Variants in FOXP2 observed in about 807,000 individuals in gnomAD.
The protein encoded by FOXP2 is forkhead box P2.
FOXP2 carries 12 observed loss-of-function variants against 115.8 expected under a neutral mutation model. That is an observed-to-expected ratio of 0.10 (90% confidence interval 0.07 to 0.17). FOXP2 has a LOEUF of 0.17. FOXP2 is among the 10% of genes least tolerant of loss of function. The pLI is 1.00. For missense variants in FOXP2, 629 were observed against 843.5 expected, an observed-to-expected ratio of 0.75 and a Z score of 3.15; for synonymous variants, 328 against 297.7, an observed-to-expected ratio of 1.10 and a Z score of -1.05.
At chr7:114,176,821 A>T (rs1403441184) in intron 1 of FOXP2, among the ~76,000 whole-genome samples, 5 of 152,136 alleles carry the variant, frequency 3.3e-5, no homozygotes, top group Non-Finnish European at 7.4e-5. Flanking sequence ...GTACTCTAAA[A>T]GTCCCACCAT....
At chr7:114,343,648 T>C (rs1791267553) in intron 2 of FOXP2, among the ~76,000 whole-genome samples, 1 of 151,756 alleles carries the variant, frequency 6.6e-6, no homozygotes, top group Non-Finnish European at 1.5e-5. Flanking sequence ...ATATTTAATT[T>C]GCATATGCAC....
intron 2 of FOXP2, among the ~76,000 whole-genome samples, chr7:114,300,057 C>G (rs1441024232): frequency 6.6e-6 from 1 of 151,880 alleles, no homozygotes; most frequent in African/African-American, 2.4e-5. Flanking sequence ...CGTACACACA[C>G]TCACACACAC....
chr7:114,165,092 G>T (rs1792939914), intron 1 of FOXP2, among the ~76,000 whole-genome samples: 1 of 152,110 alleles, frequency 6.6e-6, no homozygotes, highest in African/African-American at 2.4e-5. Flanking sequence ...AATTGAGGTG[G>T]AGGTTCCAGA....
rs10225187 is a variant in FOXP2, at chr7:114,088,462, C to T, written c.-247+624C>T. 2.4e-3 allele frequency among the ~76,000 whole-genome samples: 367 copies of T among 152,324 alleles called. 2 individuals are homozygous for T. Among genetic ancestry groups the T allele is most frequent in the African/African-American group, 8.4e-3 (351 of 41,580 alleles). The stretch of plus-strand genomic sequence containing the variant: ...AAGGGAGAAAGTGACGCCCTGTTGT[C>T]AAGCAGCTGAAGTGGACGTTTTCCA... On this transcript the variant is annotated intron_variant, in intron 1 of 19. Coordinates refer to the FOXP2 transcript ENST00000635638.
rs1808735736 is a variant in FOXP2, at chr7:114,692,758, T to C, written c.*2832T>C. On this transcript the variant is annotated 3_prime_UTR_variant, in exon 17 of 17. Transcript: ENST00000350908. ...AGCTGATTATGGGGACTATGATCTT[T>C]TGTATACAGCAAATTTTAAACTGTA... is the stretch of plus-strand genomic sequence containing the variant. 1 of 443,622 alleles carries C rather than the reference T, an allele frequency of 2.3e-6. No homozygotes were observed. The highest frequency in any genetic ancestry group is 2.0e-5 in the African/African-American group (1 of 49,392). 27.5% of individuals were successfully genotyped at this position (443,622 alleles called of 1,614,324 possible).
At chr7:114,542,345 C>T (rs1004691849) in intron 3 of FOXP2, among the ~76,000 whole-genome samples, 1 of 152,050 alleles carries the variant, frequency 6.6e-6, no homozygotes, top group Non-Finnish European at 1.5e-5. Context: ...AAAACCGTGC[C>T]CATTCTTACA....
chr7:114,486,752 A>C (rs1796798369), intron 2 of FOXP2, among the ~76,000 whole-genome samples: 1 of 152,218 alleles, frequency 6.6e-6, no homozygotes, highest in Non-Finnish European at 1.5e-5. Flanking sequence ...TGCAAGTTTG[A>C]AATCCATTAG....
chr7:114,353,334 C>CTTTTTTTTTTTTTTTT (rs138925770), intron 2 of FOXP2, among the ~76,000 whole-genome samples: 1 of 64,114 alleles, frequency 1.6e-5, no homozygotes. Flanking sequence ...ATAGGAGCCT[C>CTTTTTTTTTTTTTTTT]TTTTTTTTTT....
chr7:114,318,718 T>A (rs1017466319), intron 2 of FOXP2, among the ~76,000 whole-genome samples: 13 of 151,196 alleles, frequency 8.6e-5, no homozygotes, highest in African/African-American at 3.2e-4. Context: ...TTCATATATA[T>A]ATATATATAC....
intron 3 of FOXP2, among the ~76,000 whole-genome samples, chr7:114,627,943 T>C (rs905105208): frequency 7.9e-5 from 12 of 151,846 alleles, no homozygotes; most frequent in African/African-American, 1.9e-4. Context: ...CACACACATA[T>C]ATATATATAT....
intron 1 of FOXP2, among the ~76,000 whole-genome samples, chr7:114,206,063 C>G (rs1161539672): frequency 6.6e-6 from 1 of 152,142 alleles, no homozygotes; most frequent in Non-Finnish European, 1.5e-5. Context: ...CATAAAAAGG[C>G]TATCCCAGTC....
chr7:114,567,425 C>T (rs1353568527), intron 3 of FOXP2, among the ~76,000 whole-genome samples: 1 of 152,116 alleles, frequency 6.6e-6, no homozygotes, highest in South Asian at 2.1e-4. Flanking sequence ...AGCATACTAT[C>T]TCCAGAGCCA....
chr7:114,135,118 T>G (rs1792004839), intron 1 of FOXP2, among the ~76,000 whole-genome samples: 1 of 152,222 alleles, frequency 6.6e-6, no homozygotes, highest in Non-Finnish European at 1.5e-5. Flanking sequence ...CCAAATTTCT[T>G]TCTGGAAAAG....
chr7:114,444,301 T>G (rs894974317), intron 2 of FOXP2, among the ~76,000 whole-genome samples: 1 of 152,118 alleles, frequency 6.6e-6, no homozygotes. Flanking sequence ...CTGAAAAACA[T>G]AGGACACTTA....
chr7:114,328,154 AATGAG>A (rs1797604417), intron 2 of FOXP2, among the ~76,000 whole-genome samples: 2 of 150,808 alleles, frequency 1.3e-5, no homozygotes, highest in Non-Finnish European at 3.0e-5. Context: ...CTTGGGCTCA[AATGAG>A]CCTCCTATCC....
At chr7:114,102,986 G>A (rs566058085) in intron 1 of FOXP2, among the ~76,000 whole-genome samples, 1 of 152,156 alleles carries the variant, frequency 6.6e-6, no homozygotes, top group East Asian at 1.9e-4. Context: ...GGTATCATTA[G>A]TATTACAATA....
intron 1 of FOXP2, among the ~76,000 whole-genome samples, chr7:114,224,409 GT>G (rs1389702470): frequency 1.6e-4 from 24 of 152,058 alleles, no homozygotes; most frequent in African/African-American, 5.5e-4. Context: ...ATTCCTCTCC[GT>G]TATTAATACT....
intron 4 of FOXP2, chr7:114,629,501 ATG>A: frequency 1.8e-6 from 2 of 1,098,796 alleles, no homozygotes; most frequent in Non-Finnish European, 2.6e-6. Context: ...CCTAGTTTTT[ATG>A]TGTCAGTAGG....
intron 2 of FOXP2, among the ~76,000 whole-genome samples, chr7:114,431,252 AT>A (rs1377218778): frequency 1.3e-5 from 2 of 151,846 alleles, no homozygotes; most frequent in Non-Finnish European, 2.9e-5. Context: ...ATCCTTTCAC[AT>A]TTGTTATCTC....
Sources: gnomAD v4.1 joint callset for allele counts (sites outside exome capture counted in the v4.1 genomes callset) on GRCh38, gnomAD v4.1.1 for gene constraint, MANE v1.5 for transcripts, NCBI Gene and HGNC (gene_info 2026-07-23, HGNC 2026-07-21) for gene names.